Variants in MCM5 observed in about 807,000 individuals in gnomAD.
The protein encoded by MCM5 is minichromosome maintenance complex component 5.
In MCM5, 46 loss-of-function variants were observed where a neutral mutation model predicts 79.9. The ratio of observed to expected loss-of-function variants is 0.58; its 90% CI spans 0.45 to 0.74. The LOEUF (loss-of-function observed/expected upper bound fraction) is 0.74. Ranked by LOEUF, MCM5 falls within the 30% of genes least tolerant of loss-of-function variation. The pLI is 0.00. For missense variants in MCM5, 883 were observed against 1,017.0 expected, an observed-to-expected ratio of 0.87 and a Z score of 1.79; for synonymous variants, 404 against 390.5, an observed-to-expected ratio of 1.03 and a Z score of -0.41.
chr22:35,401,840 G>T (rs4645742), intron 2 of MCM5: 35,073 of 386,066 alleles, frequency 0.091, 3,379 homozygotes, highest in African/African-American at 0.33. Flanking sequence ...GAAGTTTTCC[G>T]GGGGGCTGAA....
intron 7 of MCM5, among the ~76,000 whole-genome samples, chr22:35,412,019 A>G (rs1932397230): frequency 6.6e-6 from 1 of 151,958 alleles, no homozygotes; most frequent in Non-Finnish European, 1.5e-5. Context: ...TCACTCAGGA[A>G]CTCTGGCCAG....
chr22:35,421,349 G>A lies in MCM5; in HGVS notation c.1864G>A (p.Ala622Thr). 6 of 1,613,890 alleles carry A rather than the reference G, an allele frequency of 3.7e-6. No individual in the cohort carries two copies. The highest frequency in any genetic ancestry group is 4.2e-6 in the Non-Finnish European group (5 of 1,180,028). Residue 622 changes from alanine (A) to threonine (T), a missense_variant, in exon 15 of 17, where the codon GCC becomes ACC. Ala to Thr is a moderately conservative substitution (Grantham distance 58, BLOSUM62 0). Transcript: ENST00000216122. ...QLEAIVRIAE[A>T]LSKMKLQPFA... ...GGAGGCCATTGTGCGCATCGCGGAA[G>A]CCCTCAGCAAGATGAAGCTGCAGCC... is the stretch of plus-strand genomic sequence containing the variant.
intron 5 of MCM5, among the ~76,000 whole-genome samples, chr22:35,407,367 G>A (rs1353378444): frequency 6.6e-6 from 1 of 151,446 alleles, no homozygotes; most frequent in East Asian, 1.9e-4. Flanking sequence ...CTGATCCCCC[G>A]CGTCCACCCT....
At chr22:35,401,025 C>CG (rs1412665599) in intron 2 of MCM5, among the ~76,000 whole-genome samples, 3 of 152,034 alleles carry the variant, frequency 2.0e-5, no homozygotes, top group Non-Finnish European at 4.4e-5. Flanking sequence ...TCGCCATGTT[C>CG]GCCAGGCTGC....
intron 4 of MCM5, 137 bp downstream of exon 4, chr22:35,403,679 T>C (rs902713431): frequency 1.8e-6 from 2 of 1,106,278 alleles, no homozygotes; most frequent in East Asian, 2.6e-5. Context: ...AAGGATCGTT[T>C]GTTGTTTTTT....
chr22:35,404,097 G>A (rs188985929), intron 4 of MCM5, among the ~76,000 whole-genome samples: 10 of 152,182 alleles, frequency 6.6e-5, no homozygotes, highest in African/African-American at 2.2e-4. Context: ...GGGTGACAGA[G>A]CAAGACCCTG....
At chr22:35,411,492 G>C (rs1365665738) in intron 7 of MCM5, 1 of 153,502 alleles carries the variant, frequency 6.5e-6, no homozygotes, top group Non-Finnish European at 1.4e-5. Context: ...CCCGGCCTGG[G>C]CAAGGTACTG....
chr22:35,408,240 C>A (rs774611803), intron 5 of MCM5, among the ~76,000 whole-genome samples, 168 bp from the exon 6 acceptor site: 10 of 152,200 alleles, frequency 6.6e-5, no homozygotes, highest in Non-Finnish European at 1.0e-4. Context: ...TGTTGCCTTC[C>A]TTTCTTACCT....
chr22:35,400,786 T>C (rs743814), intron 2 of MCM5, among the ~76,000 whole-genome samples, 181 bp downstream of exon 2: 76,222 of 151,402 alleles, frequency 0.5, 19,813 homozygotes, highest in Non-Finnish European at 0.56. Flanking sequence ...TTGTGTATTT[T>C]GTTTTACTTT....
At chr22:35,411,864 G>A (rs759004424) in intron 7 of MCM5, among the ~76,000 whole-genome samples, 9 of 152,114 alleles carry the variant, frequency 5.9e-5, no homozygotes. Context: ...AAGGCATCTC[G>A]AACTTTACAT....
intron 16 of MCM5, chr22:35,423,606 A>G (rs1601764882): frequency 3.2e-6 from 1 of 310,862 alleles, no homozygotes; most frequent in Non-Finnish European, 5.9e-6. Context: ...ACCCCATACA[A>G]GTTCCCCGCA....
At chr22:35,435,073 C>T in the MCM5 span, among the ~76,000 whole-genome samples, 1 of 152,174 alleles carries the variant, frequency 6.6e-6, no homozygotes, top group South Asian at 2.1e-4. Flanking sequence ...ATTGCTTGAA[C>T]CCGGGAGGTG....
At chr22:35,429,748 C>G (rs1569073360), downstream of MCM5, among the ~76,000 whole-genome samples, 1 of 151,948 alleles carries the variant, frequency 6.6e-6, no homozygotes, top group Non-Finnish European at 1.5e-5. Flanking sequence ...GTTGGCTAGG[C>G]TGGTGTCAAA....
rs1218644171 is a variant in MCM5 at position 35,408,546 on chromosome 22, G to A, written c.735G>A (p.Met245Ile). ...AVPHGEMPRHMQLYCDRYLCD... is the reference protein window; with the variant it reads ...AVPHGEMPRHIQLYCDRYLCD... ...CCCACGGGGAGATGCCCAGACACATGCAGCTCTACTGCGACAGGTGAGGCA... is the reference window on the plus strand; with the variant it reads ...CCCACGGGGAGATGCCCAGACACATACAGCTCTACTGCGACAGGTGAGGCA... Residue 245 changes from methionine to isoleucine, a missense_variant, in exon 6 of 17, where the codon ATG becomes ATA. By Grantham distance (10) the Met-to-Ile change is conservative. Transcript: ENST00000216122. The A allele has an allele frequency of 1.9e-6, 3 of 1,612,432 alleles. No homozygotes were observed. The highest frequency in any genetic ancestry group is 2.5e-6 in the Non-Finnish European group (3 of 1,178,716).
downstream of MCM5, among the ~76,000 whole-genome samples, chr22:35,429,436 T>C (rs1051484263): frequency 4.6e-5 from 7 of 152,110 alleles, no homozygotes; most frequent in Non-Finnish European, 5.9e-5. Context: ...TCTTAGGAGA[T>C]ATTATTGCCT....
chr22:35,416,319 T>A lies in MCM5; in HGVS notation c.1348-20T>A, dbSNP rs1408345846. On this transcript the variant is annotated intron_variant, in intron 10 of 16. Coordinates refer to ENST00000216122, the MANE Select transcript of MCM5 (RefSeq NM_006739.4). ...CCTCACTTCAGTAGGTCTGATGATATTTCTCTCTTCCCCACTTAGATGCGA... is the reference window on the plus strand; with the variant it reads ...CCTCACTTCAGTAGGTCTGATGATAATTCTCTCTTCCCCACTTAGATGCGA... The A allele has an allele frequency of 6.2e-7, 1 of 1,612,264 alleles. No individual in the cohort carries two copies. The highest frequency in any genetic ancestry group is 1.3e-5 in the African/African-American group (1 of 74,874).
intron 9 of MCM5, among the ~76,000 whole-genome samples, 166 bp from the exon 10 acceptor site, chr22:35,415,663 T>C (rs1932518727): frequency 6.6e-6 from 1 of 152,246 alleles, no homozygotes; most frequent in Non-Finnish European, 1.5e-5. Flanking sequence ...AGCATCCCCT[T>C]CCAGAGGGAG....
rs143341845 is a variant in MCM5, at chr22:35,402,578, G to A, written c.168-629G>A. Among the ~76,000 whole-genome samples the A allele has an allele frequency of 1.4e-3, 214 of 151,292 alleles. 2 individuals are homozygous for A. The highest frequency in any genetic ancestry group is 5.1e-3 in the African/African-American group (209 of 41,178). On this transcript the variant is annotated intron_variant, in intron 2 of 16. Coordinates refer to ENST00000216122, the MANE Select transcript of MCM5 (RefSeq NM_006739.4). ...CTTTTTGGTTTTTTTTTTTGAGACAGAGTCTCAGTCTGTCGCCCAGGCTGG... is the reference window on the plus strand; with the variant it reads ...CTTTTTGGTTTTTTTTTTTGAGACAAAGTCTCAGTCTGTCGCCCAGGCTGG...
downstream of MCM5, among the ~76,000 whole-genome samples, chr22:35,429,298 A>C (rs1932798189): frequency 7.7e-6 from 1 of 129,852 alleles, no homozygotes; most frequent in Non-Finnish European, 1.7e-5. Flanking sequence ...ATCTTTTTGA[A>C]ATGCTAGGTC....
Sources: allele counts gnomAD v4.1 joint callset (sites outside exome capture counted in the v4.1 genomes callset), GRCh38; gene constraint gnomAD v4.1.1; transcripts MANE v1.5; gene names NCBI Gene and HGNC (gene_info 2026-07-23, HGNC 2026-07-21).